Variants in SI observed in about 807,000 individuals in gnomAD.
The protein encoded by SI is sucrase-isomaltase, also known as sucrase-isomaltase, intestinal.
A neutral mutation model predicts 253.3 loss-of-function variants in SI; 235 were observed. The ratio of observed to expected loss-of-function variants is 0.93; its 90% confidence interval spans 0.83 to 1.03. The LOEUF (loss-of-function observed/expected upper bound fraction) is 1.03, where lower values mean the gene tolerates loss of function less well. Among genes scored for constraint, SI ranks in the 50% least tolerant of loss-of-function variants. The probability of loss-of-function intolerance (pLI) is 0.00; values close to 1 mark genes in which losing one functional copy is unlikely to be tolerated. For missense variants in SI, 2,442 were observed against 2,211.1 expected (o/e 1.10, Z -2.09); for synonymous variants, 819 against 712.0 (o/e 1.15, Z -2.39).
chr3:165,021,373 G>T lies in SI; in HGVS notation c.3110C>A (p.Pro1037His), dbSNP rs1711603492. The T allele has an allele frequency of 6.2e-7, 1 of 1,609,510 alleles. No homozygotes were observed. Among genetic ancestry groups the T allele is most frequent in the Non-Finnish European group, 8.5e-7 (1 of 1,176,768 alleles). The change falls in exon 27 of 48, where the codon CCC becomes CAC. Residue 1037 changes from proline (P) to histidine (H), a missense_variant. Physicochemically the swap from Pro to His is moderately conservative, Grantham distance 77. Transcript: ENST00000264382. ...TGGTACTTCATATCTCTTCTTTTGG[G>T]GATCATAAATCTATTGCAGATAAGT... ...NDMLQFKIYDPQKKRYEVPVP... is the reference protein window; with the variant it reads ...NDMLQFKIYDHQKKRYEVPVP...
intron 44 of SI, among the ~76,000 whole-genome samples, chr3:164,989,240 G>A (rs1159121730): frequency 3.8e-4 from 58 of 151,322 alleles, no homozygotes; most frequent in Non-Finnish European, 7.5e-4. Flanking sequence ...AGATACTTGG[G>A]AGGCTGTGGC....
chr3:165,068,182 T>C (rs1452632001), intron 5 of SI, among the ~76,000 whole-genome samples: 1 of 150,276 alleles, frequency 6.7e-6, no homozygotes, highest in Non-Finnish European at 1.5e-5. Flanking sequence ...ATCTTCTGCA[T>C]AGCCTGTAGT....
intron 22 of SI, among the ~76,000 whole-genome samples, chr3:165,035,200 T>C (rs1712469381): frequency 6.6e-6 from 1 of 151,954 alleles, no homozygotes; most frequent in Admixed American, 6.6e-5. Context: ...GAAGACTGGT[T>C]TGGAGATATA....
rs141903917 is a variant in SI at position 165,075,121 on chromosome 3, G to C, written c.119-454C>G. On this transcript the variant is annotated intron_variant, in intron 2 of 47. Transcript: ENST00000264382. The stretch of plus-strand genomic sequence containing the variant: ...GCAAGGGAATAATTTGATAGGTAAA[G>C]TAGAGAAAGCTGGAATAGCGAAGAA... Among the ~76,000 whole-genome samples the C allele has an allele frequency of 1.8e-3, 267 of 152,062 alleles. 1 individual carries two copies. Among genetic ancestry groups the C allele is most frequent in the African/African-American group, 6.2e-3 (259 of 41,532 alleles).
At chr3:165,010,194 T>C (rs1576882955) in intron 34 of SI, among the ~76,000 whole-genome samples, 1 of 152,094 alleles carries the variant, frequency 6.6e-6, no homozygotes, top group South Asian at 2.1e-4. Context: ...AGTTTTGCTC[T>C]TGTTGCCCAG....
chr3:164,979,322 G>C lies in SI; in HGVS notation c.*40C>G. On this transcript the variant is annotated 3_prime_UTR_variant, in exon 48 of 48. Coordinates refer to ENST00000264382, the MANE Select transcript of SI (RefSeq NM_001041.4). ...GTAAGTGCTGTGAAACTTAAATCCT[G>C]GTGTTTTTTCCCATTGACAACTAAA... The C allele has an allele frequency of 8.7e-7, 1 of 1,155,978 alleles. No homozygotes were observed. Among genetic ancestry groups the C allele is most frequent in the Non-Finnish European group, 1.3e-6 (1 of 765,844 alleles). The allele number at this position is 1,155,978 out of a possible 1,614,324, so 71.6% of individuals were successfully genotyped here.
chr3:165,012,991 C>A lies in SI; in HGVS notation c.4051G>T (p.Glu1351Ter). Residue 1351 changes from glutamate (E) to a stop codon, truncating the protein, a stop_gained, in exon 34 of 48, where the codon GAA (glutamate) becomes TAA (stop). Coordinates refer to ENST00000264382, the MANE Select transcript of SI (RefSeq NM_001041.4). LOFTEE classifies it high-confidence loss of function. ...CGTGTAAAACTTACATTAACAGCTT[C>A]ATCTTCCGTTAGAGTTTTATCTATT... ...ITIDKTLTED[E>*]AVNASRAHVA... 1 of 1,604,958 alleles carries A rather than the reference C, an allele frequency of 6.2e-7. No individual in the cohort carries two copies. The highest frequency in any genetic ancestry group is 8.5e-7 in the Non-Finnish European group (1 of 1,171,832).
At chr3:165,055,110 A>C in intron 13 of SI, 84 bp downstream of exon 13, 1 of 844,670 alleles carries the variant, frequency 1.2e-6, no homozygotes, top group Non-Finnish European at 2.0e-6. Flanking sequence ...ATCAGAAAAA[A>C]ATATTTTGTT....
intron 16 of SI, among the ~76,000 whole-genome samples, chr3:165,046,284 T>G (rs2108227466): frequency 6.6e-6 from 1 of 152,234 alleles, no homozygotes; most frequent in East Asian, 1.9e-4. Flanking sequence ...AGTGTCTCTC[T>G]TTAGTCTTGA....
intron 47 of SI, among the ~76,000 whole-genome samples, 169 bp downstream of exon 47, chr3:164,982,074 A>T (rs1002158709): frequency 2.6e-5 from 4 of 152,166 alleles, no homozygotes; most frequent in South Asian, 2.1e-4. Flanking sequence ...ATGACAGTTT[A>T]CTAAGGATAG....
At chr3:165,062,231 A>C in intron 9 of SI, 140 bp downstream of exon 9, 1 of 618,508 alleles carries the variant, frequency 1.6e-6, no homozygotes, top group Non-Finnish European at 2.9e-6. Context: ...ACCCAGCTGC[A>C]TCTTAAATAT....
chr3:164,996,425 T>C, intron 40 of SI, 110 bp downstream of exon 40: 1 of 751,976 alleles, frequency 1.3e-6, no homozygotes, highest in Non-Finnish European at 2.4e-6. Flanking sequence ...TACTCCAAAA[T>C]TATATATAAC....
At position 165,065,266 on chromosome 3, in the gene SI, C is replaced by A. The variant is rs2108258357; in HGVS notation, c.802G>T (p.Gly268Cys). Residue 268 changes from glycine to cysteine, a missense_variant, in exon 7 of 48, where the codon GGT becomes TGT. Transcript: ENST00000264382. Reference protein sequence around the residue: ...WPIFTRDQLPGDNNNNLYGHQ... With the variant: ...WPIFTRDQLPCDNNNNLYGHQ... ...CAAGAAAAATAATTTCTTACATCAC[C>A]AGGAAGTTGGTCTCGAGTAAAAATT... The A allele has an allele frequency of 1.3e-6, 2 of 1,591,924 alleles. No homozygotes were observed. The highest frequency in any genetic ancestry group is 1.7e-6 in the Non-Finnish European group (2 of 1,162,448).
At chr3:165,012,250 A>C (rs901578968) in intron 34 of SI, among the ~76,000 whole-genome samples, 19 of 152,292 alleles carry the variant, frequency 1.2e-4, no homozygotes, top group East Asian at 3.9e-4. Flanking sequence ...GTGGGAGAAA[A>C]TAAGGGCTTG....
chr3:165,013,829 A>C (rs77247621), intron 33 of SI, among the ~76,000 whole-genome samples: 2 of 152,070 alleles, frequency 1.3e-5, no homozygotes, highest in African/African-American at 4.8e-5. Flanking sequence ...TTAAAAAAAA[A>C]CCTCTGGATT....
chr3:165,067,544 ATTCC>A, intron 5 of SI, 53 bp from the exon 6 acceptor site: 1 of 1,456,696 alleles, frequency 6.9e-7, no homozygotes, highest in Non-Finnish European at 9.6e-7. Context: ...ATTATTTAAT[ATTCC>A]AGTTCTGAAT....
chr3:165,032,444 G>T, intron 24 of SI, 78 bp downstream of exon 24: 1 of 947,890 alleles, frequency 1.1e-6, no homozygotes, highest in Admixed American at 1.9e-5. Context: ...GGAGAAATAG[G>T]ATAAGTGCCT....
chr3:165,020,971 T>G (rs1029887939), intron 27 of SI, among the ~76,000 whole-genome samples: 1 of 151,642 alleles, frequency 6.6e-6, no homozygotes, highest in African/African-American at 2.4e-5. Context: ...GTTCTCAACT[T>G]GATTAGAAGA....
At chr3:165,018,324 T>C (rs1719142998) in intron 28 of SI, among the ~76,000 whole-genome samples, 1 of 150,758 alleles carries the variant, frequency 6.6e-6, no homozygotes, top group African/African-American at 2.4e-5. Context: ...AATATGTATA[T>C]ATTTGTATTA....
Sources: gnomAD v4.1 joint callset for allele counts (sites outside exome capture counted in the v4.1 genomes callset) on GRCh38, gnomAD v4.1.1 for gene constraint, MANE v1.5 for transcripts, NCBI Gene and HGNC (gene_info 2026-07-23, HGNC 2026-07-21) for gene names.